Variants in CACNB2 observed in about 807,000 individuals in gnomAD.
CACNB2 encodes voltage-dependent L-type calcium channel subunit beta-2.
Under a neutral mutation model 73.3 loss-of-function variants are expected in CACNB2, and 42 were observed. The observed-to-expected ratio is 0.57, with a 90% CI of 0.45 to 0.74. The LOEUF (loss-of-function observed/expected upper bound fraction) is 0.74, where lower values mean the gene tolerates loss of function less well. Among genes scored for constraint, CACNB2 ranks in the 30% least tolerant of loss-of-function variants. The pLI, the probability that CACNB2 is intolerant of heterozygous loss-of-function variation, is 0.00. For missense variants in CACNB2, 940 were observed against 853.0 expected, an observed-to-expected ratio of 1.10 and a Z score of -1.27; for synonymous variants, 348 against 310.3, an observed-to-expected ratio of 1.12 and a Z score of -1.28.
At chr10:18,155,501 A>T (rs1320479559) in intron 2 of CACNB2, among the ~76,000 whole-genome samples, 1 of 152,186 alleles carries the variant, frequency 6.6e-6, no homozygotes, top group Non-Finnish European at 1.5e-5. Context: ...GAGGGAACTG[A>T]GATTGATGTT....
At chr10:18,400,864 G>C (rs2043958017) in intron 2 of CACNB2, 2 of 1,504,664 alleles carry the variant, frequency 1.3e-6, no homozygotes, top group African/African-American at 1.4e-5. Context: ...CCCTGGATGG[G>C]AGTCCTCTGG....
chr10:18,532,935 A>G (rs1182159716), intron 10 of CACNB2: 4 of 151,928 alleles, frequency 2.6e-5, no homozygotes, highest in Non-Finnish European at 4.4e-5. Context: ...CTAGTATCTC[A>G]TGTAGTTTGG....
chr10:18,413,267 C>A (rs1028227705), intron 3 of CACNB2, among the ~76,000 whole-genome samples: 3 of 152,196 alleles, frequency 2.0e-5, no homozygotes, highest in South Asian at 2.1e-4. Context: ...CCACTGTGCC[C>A]AGCCACACAT....
intron 2 of CACNB2, among the ~76,000 whole-genome samples, chr10:18,311,533 CAT>C (rs1320755716): frequency 3.9e-5 from 6 of 152,270 alleles, no homozygotes; most frequent in East Asian, 3.9e-4. Context: ...TCAGTTAACA[CAT>C]GTGTTGTGTT....
chr10:18,534,359 A>G, intron 11 of CACNB2, 132 bp downstream of exon 11: 2 of 816,818 alleles, frequency 2.4e-6, no homozygotes, highest in Non-Finnish European at 4.1e-6. Flanking sequence ...ATGATAGTCA[A>G]GAATTTTTAA....
At chr10:18,373,840 T>C (rs1197584701) in intron 2 of CACNB2, among the ~76,000 whole-genome samples, 1 of 152,262 alleles carries the variant, frequency 6.6e-6, no homozygotes, top group Admixed American at 6.5e-5. Context: ...TTGGTGCTTG[T>C]ACCGGTTCTC....
intron 1 of CACNB2, among the ~76,000 whole-genome samples, chr10:18,142,648 T>A (rs1383000243): frequency 1.3e-5 from 2 of 152,242 alleles, no homozygotes; most frequent in Admixed American, 6.5e-5. Flanking sequence ...CCTAAATTCC[T>A]GGACATCAAA....
chr10:18,368,068 A>C (rs916305457), intron 2 of CACNB2, among the ~76,000 whole-genome samples: 2 of 152,302 alleles, frequency 1.3e-5, no homozygotes, highest in Admixed American at 6.5e-5. Context: ...CCAGGAGGAA[A>C]GAAATTTCTT....
At chr10:18,344,741 G>A (rs76385396) in intron 2 of CACNB2, among the ~76,000 whole-genome samples, 15,550 of 152,044 alleles carry the variant, frequency 0.1, 870 homozygotes, top group Non-Finnish European at 0.12. Flanking sequence ...ATGCCTGAAC[G>A]ACACCAGCCT....
At chr10:18,180,271 G>A (rs916768084) in intron 2 of CACNB2, among the ~76,000 whole-genome samples, 4 of 152,138 alleles carry the variant, frequency 2.6e-5, no homozygotes, top group Non-Finnish European at 4.4e-5. Flanking sequence ...AACAGACAGA[G>A]GGGTGGTCTA....
chr10:18,200,687 G>T (rs2034840757), intron 2 of CACNB2, among the ~76,000 whole-genome samples: 1 of 151,996 alleles, frequency 6.6e-6, no homozygotes, highest in East Asian at 1.9e-4. Flanking sequence ...GATGCATTTA[G>T]TCTTCTTATA....
At chr10:18,217,230 T>C (rs1200390115) in intron 2 of CACNB2, among the ~76,000 whole-genome samples, 1 of 152,136 alleles carries the variant, frequency 6.6e-6, no homozygotes, top group African/African-American at 2.4e-5. Context: ...ACACCTGTAA[T>C]CCCAGCACTT....
intron 2 of CACNB2, among the ~76,000 whole-genome samples, chr10:18,157,200 T>A (rs541485015): frequency 2.0e-5 from 3 of 152,382 alleles, no homozygotes; most frequent in Non-Finnish European, 2.9e-5. Flanking sequence ...ATATTTATCT[T>A]TTATGTAAAT....
intron 2 of CACNB2, among the ~76,000 whole-genome samples, chr10:18,305,382 T>C (rs2039689689): frequency 6.6e-6 from 1 of 152,190 alleles, no homozygotes; most frequent in Non-Finnish European, 1.5e-5. Context: ...GAGAATAATA[T>C]AAGGTAAAAC....
intron 2 of CACNB2, among the ~76,000 whole-genome samples, chr10:18,171,519 C>T (rs1588612430): frequency 1.0e-4 from 1 of 10,030 alleles, no homozygotes; most frequent in African/African-American, 7.4e-4. Context: ...GCTTTGATAG[C>T]AGAAAAAAAA....
chr10:18,369,696 C>G (rs962127494), intron 2 of CACNB2, among the ~76,000 whole-genome samples: 12 of 152,114 alleles, frequency 7.9e-5, no homozygotes. Context: ...CACCTGAGAT[C>G]AGGAGTTCAA....
intron 2 of CACNB2, among the ~76,000 whole-genome samples, chr10:18,249,649 A>G (rs932072305): frequency 6.6e-6 from 1 of 152,034 alleles, no homozygotes; most frequent in Non-Finnish European, 1.5e-5. Context: ...CTCACCTCTA[A>G]TGGGCGAGAT....
intron 2 of CACNB2, among the ~76,000 whole-genome samples, chr10:18,309,605 G>T (rs779873046): frequency 6.6e-6 from 1 of 151,950 alleles, no homozygotes; most frequent in Admixed American, 6.6e-5. Flanking sequence ...TTACAGTCCC[G>T]CGCCACCATG....
At chr10:18,366,697 C>T (rs1322311429) in intron 2 of CACNB2, among the ~76,000 whole-genome samples, 2 of 151,378 alleles carry the variant, frequency 1.3e-5, no homozygotes, top group African/African-American at 2.4e-5. Flanking sequence ...AAAAATTAGC[C>T]GGAAATCACT....
Sources: allele counts gnomAD v4.1 joint callset (sites outside exome capture counted in the v4.1 genomes callset), GRCh38; gene constraint gnomAD v4.1.1; transcripts MANE v1.5; gene names NCBI Gene and HGNC (gene_info 2026-07-23, HGNC 2026-07-21).